The following FAF1 variants were observed in gnomAD, a reference collection of about 807,000 sequenced individuals.
FAF1 encodes FAS-associated factor 1.
A neutral mutation model predicts 92.5 loss-of-function variants in FAF1; 25 were observed. The ratio of observed to expected loss-of-function variants is 0.27; its 90% CI spans 0.20 to 0.38. FAF1 has a LOEUF of 0.38. Ranked by LOEUF, FAF1 falls within the 10% of genes least tolerant of loss-of-function variation. FAF1 has a pLI of 1.00. For missense variants in FAF1, 636 were observed against 793.3 expected (o/e 0.80, Z 2.38); for synonymous variants, 234 against 273.2 (o/e 0.86, Z 1.42).
At chr1:50,806,855 A>C (rs1216143844) in intron 2 of FAF1, among the ~76,000 whole-genome samples, 1 of 152,228 alleles carries the variant, frequency 6.6e-6, no homozygotes, top group African/African-American at 2.4e-5. Flanking sequence ...GCATCAAAGA[A>C]GACAAAAGCA....
At chr1:50,681,834 G>GT (rs1656439589) in intron 7 of FAF1, among the ~76,000 whole-genome samples, 1 of 150,020 alleles carries the variant, frequency 6.7e-6, no homozygotes. Context: ...TGTTTTTTTT[G>GT]GTTTTTTTTC....
At chr1:50,737,614 G>A (rs1456755168) in intron 6 of FAF1, among the ~76,000 whole-genome samples, 2 of 151,950 alleles carry the variant, frequency 1.3e-5, no homozygotes, top group East Asian at 1.9e-4. Context: ...ATTAACATAC[G>A]GTCTAAACAT....
intron 2 of FAF1, among the ~76,000 whole-genome samples, chr1:50,817,281 T>C (rs1014102424): frequency 6.6e-6 from 1 of 152,170 alleles, no homozygotes; most frequent in East Asian, 1.9e-4. Flanking sequence ...ATGTAATATA[T>C]CCATACAATG....
chr1:50,883,122 C>T (rs72692208), intron 1 of FAF1, among the ~76,000 whole-genome samples: 9 of 152,066 alleles, frequency 5.9e-5, no homozygotes, highest in East Asian at 3.9e-4. Context: ...CCCCTATTTA[C>T]GCACCTAGGA....
At chr1:50,760,810 C>T (rs377257684) in intron 4 of FAF1, among the ~76,000 whole-genome samples, 8 of 151,926 alleles carry the variant, frequency 5.3e-5, no homozygotes, top group South Asian at 2.1e-4. Flanking sequence ...ATTCAAAAGC[C>T]AGCAGAAGGC....
At chr1:50,715,066 T>G (rs1658115973) in intron 6 of FAF1, 1 of 399,400 alleles carries the variant, frequency 2.5e-6, no homozygotes, top group South Asian at 1.9e-5. Context: ...CAATTTGGTT[T>G]CTACAAACAG....
chr1:50,664,342 TC>T (rs1655525811), intron 7 of FAF1, among the ~76,000 whole-genome samples: 1 of 150,826 alleles, frequency 6.6e-6, no homozygotes, highest in South Asian at 2.1e-4. Flanking sequence ...TGCTTCCTGG[TC>T]ATAATACATA....
intron 18 of FAF1, among the ~76,000 whole-genome samples, chr1:50,446,831 C>T (rs1355324564): frequency 6.6e-6 from 1 of 151,720 alleles, no homozygotes; most frequent in African/African-American, 2.4e-5. Context: ...ATGCATTTAA[C>T]AGTTTATGGG....
intron 6 of FAF1, among the ~76,000 whole-genome samples, chr1:50,720,045 A>C (rs546023291): frequency 2.0e-5 from 3 of 150,486 alleles, no homozygotes; most frequent in Non-Finnish European, 4.4e-5. Flanking sequence ...TCTGCCACCT[A>C]GGCTGGAGTG....
chr1:50,860,179 C>T (rs1644421147), intron 1 of FAF1, among the ~76,000 whole-genome samples: 1 of 151,864 alleles, frequency 6.6e-6, no homozygotes, highest in African/African-American at 2.4e-5. Flanking sequence ...AAATGCCATT[C>T]TGGACATCAA....
intron 1 of FAF1, among the ~76,000 whole-genome samples, chr1:50,908,433 C>T (rs537014372): frequency 3.9e-5 from 6 of 152,148 alleles, no homozygotes; most frequent in Admixed American, 3.9e-4. Flanking sequence ...TTCTTGTTAA[C>T]TTTCTGTCTC....
intron 17 of FAF1, among the ~76,000 whole-genome samples, chr1:50,484,303 AT>A (rs1646736115): frequency 6.6e-6 from 1 of 152,012 alleles, no homozygotes; most frequent in Admixed American, 6.5e-5. Context: ...CAAATAGATG[AT>A]TTTTGCTTGC....
chr1:50,959,813 G>T lies in FAF1; in HGVS notation c.-2C>A. 1 of 1,566,588 alleles carries T rather than the reference G, an allele frequency of 6.4e-7. No homozygotes were observed. ...CTCCCGGTCCATGTTGGACGCCATG[G>T]CGGCCGCCGAGTTCCGCGGCTCCGG... is the stretch of plus-strand genomic sequence containing the variant. On this transcript the variant is annotated 5_prime_UTR_variant, in exon 1 of 19. Transcript: ENST00000396153.
chr1:50,546,096 T>C (rs1390656497), intron 13 of FAF1, among the ~76,000 whole-genome samples: 1 of 152,114 alleles, frequency 6.6e-6, no homozygotes, highest in Non-Finnish European at 1.5e-5. Flanking sequence ...AGGCCAGGAA[T>C]TTGAAGTTAC....
chr1:50,804,568 T>C (rs187336026), intron 2 of FAF1, among the ~76,000 whole-genome samples: 1 of 152,244 alleles, frequency 6.6e-6, no homozygotes, highest in African/African-American at 2.4e-5. Flanking sequence ...CTAAGGTTAT[T>C]AGACATAGTT....
At chr1:50,442,782 G>GA (rs1646184926) in intron 18 of FAF1, among the ~76,000 whole-genome samples, 1 of 152,228 alleles carries the variant, frequency 6.6e-6, no homozygotes, top group South Asian at 2.1e-4. Flanking sequence ...CTGGCAAGGG[G>GA]AAGGGGAAAC....
At chr1:50,521,157 C>T (rs1468116874) in intron 15 of FAF1, among the ~76,000 whole-genome samples, 1 of 152,048 alleles carries the variant, frequency 6.6e-6, no homozygotes, top group Non-Finnish European at 1.5e-5. Flanking sequence ...ACCTCACATA[C>T]TTATTGCTTT....
chr1:50,672,139 C>T (rs1004996853), intron 7 of FAF1, among the ~76,000 whole-genome samples: 11 of 151,766 alleles, frequency 7.2e-5, no homozygotes, highest in Admixed American at 2.0e-4. Context: ...TCTGCCTCCC[C>T]GGTTCAAGGA....
intron 12 of FAF1, among the ~76,000 whole-genome samples, chr1:50,572,856 T>C (rs1373967494): frequency 1.3e-5 from 2 of 152,106 alleles, no homozygotes; most frequent in African/African-American, 4.8e-5. Flanking sequence ...ATGAAGATGA[T>C]ACTTTAAAAA....
Sources: allele counts gnomAD v4.1 joint callset (sites outside exome capture counted in the v4.1 genomes callset), GRCh38; gene constraint gnomAD v4.1.1; transcripts MANE v1.5; gene names NCBI Gene and HGNC (gene_info 2026-07-23, HGNC 2026-07-21).